Variants in GTF3C1 observed in about 807,000 individuals in gnomAD.
GTF3C1 encodes the protein general transcription factor 3C polypeptide 1.
GTF3C1 carries 57 observed loss-of-function variants against 226.7 expected under a neutral mutation model. That is an observed-to-expected ratio of 0.25 (90% CI 0.20 to 0.31). GTF3C1 has a LOEUF of 0.31. Among genes scored for constraint, GTF3C1 ranks in the 10% least tolerant of loss-of-function variants. The probability of loss-of-function intolerance (pLI) is 1.00; values close to 1 mark genes in which losing one functional copy is unlikely to be tolerated. For missense variants in GTF3C1, 2,217 were observed against 2,776.1 expected (o/e 0.80, Z 4.53); for synonymous variants, 1,090 against 1,084.8 (o/e 1.00, Z -0.09).
chr16:27,464,126 T>C, intron 34 of GTF3C1, 194 bp downstream of exon 34: 1 of 454,226 alleles, frequency 2.2e-6, no homozygotes, highest in Middle Eastern at 5.5e-4. Flanking sequence ...GTGGGAGGCC[T>C]GCCCTCCCCT....
chr16:27,516,065 G>T (rs2088653519), intron 6 of GTF3C1, among the ~76,000 whole-genome samples: 1 of 152,212 alleles, frequency 6.6e-6, no homozygotes, highest in Admixed American at 6.5e-5. Context: ...GAGTTATTCT[G>T]AACAGTACCA....
chr16:27,506,657 A>G (rs1273374041), intron 9 of GTF3C1, among the ~76,000 whole-genome samples, 190 bp downstream of exon 9: 1 of 152,238 alleles, frequency 6.6e-6, no homozygotes, highest in Non-Finnish European at 1.5e-5. Flanking sequence ...ATGATTTGCA[A>G]GCAGCCAGGA....
Position 27,461,133 on chromosome 16 carries a change from C to G in GTF3C1, c.*217G>C. On this transcript the variant is annotated 3_prime_UTR_variant, in exon 37 of 37. Transcript: ENST00000356183. This position sits in a 1 kb window ranked among gnomAD's most constrained non-coding sequence, Gnocchi z 5.3. The stretch of plus-strand genomic sequence containing the variant: ...GAGGCCAGTTCCCAAGGGGAAGGCC[C>G]AGAAGAGCCTGGGGGATGGGCAGGT... 1.9e-6 allele frequency: 1 copy of G among 518,878 alleles called. No homozygotes were observed. Among genetic ancestry groups the G allele is most frequent in the Non-Finnish European group, 3.5e-6 (1 of 289,420 alleles). The allele number at this position is 518,878 out of a possible 1,614,324, so 32.1% of individuals were successfully genotyped here. A position where few individuals can be genotyped will look rare whatever the true frequency, so the allele number is the denominator to read the frequency against.
chr16:27,549,319 G>A (rs1490929598), intron 1 of GTF3C1, among the ~76,000 whole-genome samples: 1 of 152,174 alleles, frequency 6.6e-6, no homozygotes, highest in Non-Finnish European at 1.5e-5. Context: ...GGAGTCTCCA[G>A]TCTGGCTCTA....
intron 6 of GTF3C1, among the ~76,000 whole-genome samples, chr16:27,516,720 G>A (rs903075087): frequency 2.0e-5 from 3 of 152,094 alleles, no homozygotes; most frequent in Admixed American, 6.5e-5. Flanking sequence ...CTGCAGCCTC[G>A]AACTCCAGGG....
At chr16:27,543,391 T>C (rs994787180) in intron 2 of GTF3C1, among the ~76,000 whole-genome samples, 1 of 151,644 alleles carries the variant, frequency 6.6e-6, no homozygotes, top group African/African-American at 2.4e-5. Flanking sequence ...GTCTCAAAAA[T>C]AAATAAATAA....
chr16:27,547,245 C>A (rs1189344358), intron 1 of GTF3C1, among the ~76,000 whole-genome samples: 1 of 152,212 alleles, frequency 6.6e-6, no homozygotes. Context: ...TAGGGCTGAT[C>A]TTAGCCAGCT....
chr16:27,510,869 C>T (rs2088562715), intron 7 of GTF3C1, among the ~76,000 whole-genome samples: 2 of 152,196 alleles, frequency 1.3e-5, no homozygotes, highest in Admixed American at 1.3e-4. Flanking sequence ...GTGGTAACTC[C>T]AGACCAATCT....
chr16:27,529,123 A>AG (rs2088876527), intron 5 of GTF3C1, among the ~76,000 whole-genome samples: 1 of 152,088 alleles, frequency 6.6e-6, no homozygotes, highest in South Asian at 2.1e-4. Flanking sequence ...TGGGCAGGAG[A>AG]GAAAAAAAAG....
Position 27,476,466 on chromosome 16 carries a change from G to A in GTF3C1, c.4338C>T (p.Ser1446=). 1 of 1,609,890 alleles carries A rather than the reference G, an allele frequency of 6.2e-7. No individual in the cohort carries two copies. Among genetic ancestry groups the A allele is most frequent in the Non-Finnish European group, 8.5e-7 (1 of 1,176,192 alleles). The change falls in exon 29 of 37, where the codon TCC becomes TCT. Residue 1446 remains serine (S), a synonymous_variant. Coordinates refer to ENST00000356183, the MANE Select transcript of GTF3C1 (RefSeq NM_001520.4). ...TLALSDSQMK[S]YQSFQTFRLY... Reference sequence around the variant, plus strand: ...CGACACCCACCTGGAATGACTGGTAGGACTTCATCTGACTGTCTGAGAGGG... The same window carrying A: ...CGACACCCACCTGGAATGACTGGTAAGACTTCATCTGACTGTCTGAGAGGG...
chr16:27,501,583 C>T (rs932144611), intron 11 of GTF3C1, among the ~76,000 whole-genome samples: 1 of 152,196 alleles, frequency 6.6e-6, no homozygotes, highest in African/African-American at 2.4e-5. Flanking sequence ...AGCCTTTCAC[C>T]GGCAACTCAA....
In GTF3C1 at chr16:27,495,318, C is replaced by T. The variant is rs768526746; in HGVS notation, c.2525G>A (p.Arg842Gln). 49 of 1,613,524 alleles carry T rather than the reference C, an allele frequency of 3.0e-5. 1 individual carries two copies. In the South Asian group the frequency reaches 4.1e-4, roughly 13 times the overall value. Residue 842 changes from arginine to glutamine, a missense_variant, in exon 15 of 37, where the codon CGG (arginine) becomes CAG (glutamine). Transcript: ENST00000356183. ...CCAGGCACTTCCAGAGGAGGACGGC[C>T]GGACGCCTGCCCTGCCTGACTCCTG... Reference protein sequence around the residue: ...IKQESGRAGVRPSSSGSAWEA... With the variant: ...IKQESGRAGVQPSSSGSAWEA...
At chr16:27,490,257 G>A (rs2088213451) in intron 19 of GTF3C1, among the ~76,000 whole-genome samples, 1 of 152,220 alleles carries the variant, frequency 6.6e-6, no homozygotes, top group African/African-American at 2.4e-5. Context: ...TGCTCAAGAG[G>A]TTTGCTAATG....
chr16:27,497,432 G>A (rs891530435), intron 14 of GTF3C1, among the ~76,000 whole-genome samples: 2 of 152,200 alleles, frequency 1.3e-5, no homozygotes, highest in African/African-American at 4.8e-5. Flanking sequence ...GGTATGGCAG[G>A]CAGAATTGTT....
chr16:27,509,019 A>G (rs553934664), intron 7 of GTF3C1, among the ~76,000 whole-genome samples: 1 of 152,388 alleles, frequency 6.6e-6, no homozygotes, highest in South Asian at 2.1e-4. Context: ...TTTCAGATCA[A>G]TGAAATTGAC....
At chr16:27,495,561 A>ACTG in intron 14 of GTF3C1, 69 bp from the exon 15 acceptor site, 1 of 1,435,340 alleles carries the variant, frequency 7.0e-7, no homozygotes, top group Non-Finnish European at 9.5e-7. Flanking sequence ...ATTCATTAAA[A>ACTG]AATGATTGAG....
chr16:27,543,420 A>G (rs1374742770), intron 2 of GTF3C1, among the ~76,000 whole-genome samples: 2 of 152,104 alleles, frequency 1.3e-5, no homozygotes, highest in Non-Finnish European at 2.9e-5. Flanking sequence ...AGATCGGGTC[A>G]CGCTCTATTG....
At chr16:27,475,378 C>G (rs755959732) in intron 29 of GTF3C1, among the ~76,000 whole-genome samples, 1 of 152,134 alleles carries the variant, frequency 6.6e-6, no homozygotes, top group Non-Finnish European at 1.5e-5. Flanking sequence ...TTCTTTTTTC[C>G]CCTCGTATTC....
At position 27,533,405 on chromosome 16, in the gene GTF3C1, C is replaced by A; in HGVS notation, c.753-18G>T. 1 of 1,458,632 alleles carries A rather than the reference C, an allele frequency of 6.9e-7. No homozygotes were observed. Among genetic ancestry groups the A allele is most frequent in the Non-Finnish European group, 9.6e-7 (1 of 1,039,200 alleles). 90.4% of individuals were successfully genotyped at this position (1,458,632 alleles called of 1,614,324 possible). Reference sequence around the variant, plus strand: ...TGCTCCTCCTGCAAGAAACACCGAGCAATTCGTTTTTTCAAACCTGTTGCT... The same window carrying A: ...TGCTCCTCCTGCAAGAAACACCGAGAAATTCGTTTTTTCAAACCTGTTGCT... On this transcript the variant is annotated intron_variant, in intron 4 of 36. Transcript: ENST00000356183.
Sources: allele counts gnomAD v4.1 joint callset (sites outside exome capture counted in the v4.1 genomes callset), GRCh38; gene constraint gnomAD v4.1.1; non-coding constraint Gnocchi (gnomAD v3.1); transcripts MANE v1.5; gene names NCBI Gene and HGNC (gene_info 2026-07-23, HGNC 2026-07-21).